The following ADARB1 variants were observed in gnomAD, a reference collection of about 807,000 sequenced individuals.
The protein encoded by ADARB1 is double-stranded RNA-specific editase 1.
In ADARB1, 10 loss-of-function variants were observed where a neutral mutation model predicts 52.4. The ratio of observed to expected loss-of-function variants is 0.19; its 90% CI spans 0.12 to 0.32. The LOEUF (loss-of-function observed/expected upper bound fraction) is 0.32. ADARB1 is among the 10% of genes least tolerant of loss of function. The probability of loss-of-function intolerance (pLI) is 1.00; values close to 1 mark genes in which losing one functional copy is unlikely to be tolerated. For missense variants in ADARB1, 643 were observed against 922.3 expected (o/e 0.70, Z 3.92); for synonymous variants, 349 against 371.1 (o/e 0.94, Z 0.68).
chr21:45,163,419 C>T (rs1451344689), intron 2 of ADARB1, among the ~76,000 whole-genome samples: 2 of 152,194 alleles, frequency 1.3e-5, no homozygotes, highest in African/African-American at 4.8e-5. Context: ...GAGGATGAGG[C>T]TTGAGTCTGT....
At chr21:45,163,139 T>C (rs975227361) in intron 2 of ADARB1, among the ~76,000 whole-genome samples, 2 of 152,216 alleles carry the variant, frequency 1.3e-5, no homozygotes, top group African/African-American at 2.4e-5. Context: ...TTAATGAGGA[T>C]TGTACTAAGT....
At chr21:45,150,822 C>T (rs1041672203) in intron 2 of ADARB1, among the ~76,000 whole-genome samples, 5 of 152,334 alleles carry the variant, frequency 3.3e-5, no homozygotes, top group Admixed American at 2.0e-4. Context: ...TGGCTCTTGT[C>T]TGATCCATGT....
At chr21:45,146,163 A>AGAT (rs1279206212) in intron 2 of ADARB1, 1 of 150,704 alleles carries the variant, frequency 6.6e-6, no homozygotes, top group Admixed American at 6.6e-5. Flanking sequence ...ACCTACGGCC[A>AGAT]GATGGCTGTT....
chr21:45,076,444 G>T (rs1011406685), intron 1 of ADARB1, among the ~76,000 whole-genome samples: 13 of 152,164 alleles, frequency 8.5e-5, no homozygotes, highest in African/African-American at 3.1e-4. Flanking sequence ...GATGTCTGAG[G>T]GTTCCTAAGA....
chr21:45,122,025 A>G (rs950052597), intron 1 of ADARB1, among the ~76,000 whole-genome samples: 11 of 152,206 alleles, frequency 7.2e-5, no homozygotes, highest in Non-Finnish European at 8.8e-5. Context: ...AGCAGCCTCC[A>G]GTTGATTACT....
At chr21:45,213,835 T>C (rs954921849) in intron 9 of ADARB1, among the ~76,000 whole-genome samples, 2 of 152,224 alleles carry the variant, frequency 1.3e-5, no homozygotes, top group Admixed American at 6.5e-5. Context: ...TCTTTTAATA[T>C]TATAAAGCTG....
intron 9 of ADARB1, among the ~76,000 whole-genome samples, chr21:45,210,830 G>A (rs1447724275): frequency 6.6e-6 from 1 of 152,252 alleles, no homozygotes; most frequent in African/African-American, 2.4e-5. Flanking sequence ...GGAAAAGGAG[G>A]AGCTGGCAGG....
chr21:45,211,815 T>A (rs1273202870), intron 9 of ADARB1, among the ~76,000 whole-genome samples: 2 of 152,234 alleles, frequency 1.3e-5, no homozygotes, highest in Non-Finnish European at 2.9e-5. Context: ...CCTAGTTCCC[T>A]CTTTGCAGGC....
intron 1 of ADARB1, chr21:45,117,065 A>C (rs952045187): frequency 3.9e-5 from 6 of 152,178 alleles, no homozygotes; most frequent in African/African-American, 1.4e-4. Context: ...TCACTGTATA[A>C]CATTTTAGTA....
chr21:45,121,928 C>T (rs777501663), intron 1 of ADARB1, among the ~76,000 whole-genome samples: 7 of 152,162 alleles, frequency 4.6e-5, no homozygotes, highest in Non-Finnish European at 5.9e-5. Context: ...CTTTTTGTTC[C>T]CCATTGTTGC....
chr21:45,180,085 C>T (rs1375096502), intron 4 of ADARB1, among the ~76,000 whole-genome samples: 2 of 152,258 alleles, frequency 1.3e-5, no homozygotes, highest in African/African-American at 4.8e-5. Flanking sequence ...CCACACTCCA[C>T]ACTGGCCCCA....
Position 45,222,142 on chromosome 21 carries a change from TG to T in ADARB1, c.2056del (p.Ala686ProfsTer121). 4 of 1,609,236 alleles carry T rather than the reference TG, an allele frequency of 2.5e-6. No individual in the cohort carries two copies. Among genetic ancestry groups the T allele is most frequent in the Non-Finnish European group, 3.4e-6 (4 of 1,178,168 alleles). ...RLFTAFIKAG[L>X]GAWVEKPTEQ... ...TTCACAGCCTTCATCAAGGCGGGGC[TG>T]GGGGCCTGGGTGGAGAAGCCCACCG... On this transcript the variant is annotated frameshift_variant, in exon 11 of 11. Transcript: ENST00000348831. LOFTEE classifies it high-confidence loss of function.
intron 4 of ADARB1, among the ~76,000 whole-genome samples, chr21:45,179,533 AT>A (rs2091842459): frequency 6.6e-6 from 1 of 152,246 alleles, no homozygotes; most frequent in African/African-American, 2.4e-5. Context: ...ATCATAAGCC[AT>A]AAGACCATGT....
intron 8 of ADARB1, among the ~76,000 whole-genome samples, chr21:45,195,530 A>C (rs146207017): frequency 3.2e-4 from 49 of 151,724 alleles, no homozygotes; most frequent in African/African-American, 1.1e-3. Flanking sequence ...GGAATTTTAT[A>C]GTTTTGCATT....
At position 45,110,799 on chromosome 21, in the gene ADARB1, C is replaced by T. The variant is rs372106468; in HGVS notation, c.-219-17603C>T. On this transcript the variant is annotated intron_variant, in intron 1 of 10. Coordinates refer to ENST00000348831, the MANE Select transcript of ADARB1 (RefSeq NM_001112.4). ...ATCTCATGGACAGAAAGCCAAGATT[C>T]TTGTGCTGCTTCCTAAATGCAGTGG... Among the ~76,000 whole-genome samples the T allele has an allele frequency of 2.6e-5, 4 of 152,276 alleles. No individual in the cohort carries two copies. The East Asian group carries it at 7.7e-4, about 29-fold the overall frequency.
chr21:45,130,034 G>A (rs1037781150), intron 2 of ADARB1, among the ~76,000 whole-genome samples: 7 of 152,160 alleles, frequency 4.6e-5, no homozygotes, highest in Non-Finnish European at 8.8e-5. Flanking sequence ...TGTGGGATGG[G>A]ATTTTATTTT....
intron 7 of ADARB1, 29 bp from the exon 8 acceptor site, chr21:45,184,894 G>A: frequency 6.3e-7 from 1 of 1,583,586 alleles, no homozygotes; most frequent in Non-Finnish European, 8.6e-7. Flanking sequence ...TTTACTACCT[G>A]TGGGGTTTTA....
Position 45,215,387 on chromosome 21 carries a change from A to T in ADARB1, c.1748-5449A>T, listed in dbSNP as rs868815786. On this transcript the variant is annotated intron_variant, in intron 9 of 10. Transcript: ENST00000348831. ...ACAGATGTCTTTATCAGCTCAAGACATTTTTTTTTTCTATTTATAGCTTAC... is the reference window on the plus strand; with the variant it reads ...ACAGATGTCTTTATCAGCTCAAGACTTTTTTTTTTTCTATTTATAGCTTAC... Among the ~76,000 whole-genome samples, 3 of 149,890 alleles carry T rather than the reference A, an allele frequency of 2.0e-5. No individual in the cohort carries two copies. In the South Asian group the frequency reaches 6.4e-4, roughly 32 times the overall value.
intron 4 of ADARB1, 49 bp from the exon 5 acceptor site, chr21:45,180,281 G>C (rs1390840299): frequency 2.2e-5 from 30 of 1,360,446 alleles, no homozygotes; most frequent in Non-Finnish European, 3.0e-5. Context: ...AGTGAGCCCT[G>C]CTCCCAGCTG....
Sources: gnomAD v4.1 joint callset for allele counts (sites outside exome capture counted in the v4.1 genomes callset) on GRCh38, gnomAD v4.1.1 for gene constraint, MANE v1.5 for transcripts, NCBI Gene and HGNC (gene_info 2026-07-23, HGNC 2026-07-21) for gene names.